CACNA2D3: variants seen among roughly 807,000 people sequenced by gnomAD.
CACNA2D3 encodes voltage-dependent calcium channel subunit alpha-2/delta-3.
A neutral mutation model predicts 160.6 loss-of-function variants in CACNA2D3; 60 were observed. That is an observed-to-expected ratio of 0.37 (90% CI 0.30 to 0.46). CACNA2D3 has a LOEUF of 0.46. Among genes scored for constraint, CACNA2D3 ranks in the 20% least tolerant of loss-of-function variants. The pLI is 1.00. For synonymous variants in CACNA2D3, 558 were observed against 492.9 expected, an observed-to-expected ratio of 1.13 and a Z score of -1.75; for missense variants, 1,205 against 1,365.0, an observed-to-expected ratio of 0.88 and a Z score of 1.85.
At chr3:54,544,177 A>G (rs903968233) in intron 5 of CACNA2D3, among the ~76,000 whole-genome samples, 1 of 152,236 alleles carries the variant, frequency 6.6e-6, no homozygotes, top group African/African-American at 2.4e-5. Context: ...TAATATCTCC[A>G]TATATAGATG....
At chr3:54,252,104 T>TTTTTTTTTTG (rs1702202478) in intron 2 of CACNA2D3, among the ~76,000 whole-genome samples, 1 of 147,008 alleles carries the variant, frequency 6.8e-6, no homozygotes, top group Admixed American at 6.8e-5. Flanking sequence ...GAGCTAGTTT[T>TTTTTTTTTTG]TTTTTTTTTT....
chr3:54,826,483 C>T (rs1475165683), intron 14 of CACNA2D3, among the ~76,000 whole-genome samples: 1 of 152,188 alleles, frequency 6.6e-6, no homozygotes, highest in Non-Finnish European at 1.5e-5. Flanking sequence ...AGACTAATGT[C>T]GTGGTATGGA....
At chr3:54,140,624 C>G (rs974288077) in intron 2 of CACNA2D3, among the ~76,000 whole-genome samples, 3 of 152,214 alleles carry the variant, frequency 2.0e-5, no homozygotes, top group Admixed American at 6.5e-5. Flanking sequence ...GTTCAGACAG[C>G]CCTGGGTTCA....
intron 27 of CACNA2D3, among the ~76,000 whole-genome samples, chr3:54,938,994 G>A (rs1701393828): frequency 6.6e-6 from 1 of 152,158 alleles, no homozygotes; most frequent in Admixed American, 6.5e-5. Context: ...GGTAGCACAC[G>A]TTAGACAGCA....
intron 2 of CACNA2D3, among the ~76,000 whole-genome samples, chr3:54,295,630 C>T (rs1473917444): frequency 6.6e-6 from 1 of 152,160 alleles, no homozygotes; most frequent in African/African-American, 2.4e-5. Context: ...TCACTGAATG[C>T]ACAATTTACA....
At chr3:54,818,967 G>A (rs1369010269) in intron 14 of CACNA2D3, among the ~76,000 whole-genome samples, 1 of 152,134 alleles carries the variant, frequency 6.6e-6, no homozygotes, top group South Asian at 2.1e-4. Flanking sequence ...GGAGTTGAGG[G>A]AGAGGTGCAC....
At chr3:54,688,386 C>G (rs1700508725) in intron 11 of CACNA2D3, among the ~76,000 whole-genome samples, 1 of 151,576 alleles carries the variant, frequency 6.6e-6, no homozygotes. Context: ...TTCTCTTTTT[C>G]CTGTGCCTTT....
chr3:54,322,933 T>C (rs1193259325), intron 3 of CACNA2D3, among the ~76,000 whole-genome samples: 1 of 152,188 alleles, frequency 6.6e-6, no homozygotes, highest in African/African-American at 2.4e-5. Context: ...TTCCTTGCAA[T>C]GTGTATTCTA....
chr3:54,778,639 G>T (rs2107125303), intron 13 of CACNA2D3, among the ~76,000 whole-genome samples: 2 of 152,308 alleles, frequency 1.3e-5, no homozygotes, highest in Middle Eastern at 3.4e-3. Context: ...TAAATTCCTT[G>T]AGGAGAGGGA....
chr3:54,268,691 A>G (rs1702563967), intron 2 of CACNA2D3, among the ~76,000 whole-genome samples: 1 of 152,122 alleles, frequency 6.6e-6, no homozygotes, highest in Non-Finnish European at 1.5e-5. Flanking sequence ...TTACAGGTGT[A>G]AGCCACCGTG....
At chr3:54,168,551 G>T (rs1461455019) in intron 2 of CACNA2D3, among the ~76,000 whole-genome samples, 1 of 152,098 alleles carries the variant, frequency 6.6e-6, no homozygotes, top group Non-Finnish European at 1.5e-5. Flanking sequence ...ACCTTAGGAG[G>T]CCTGGATTAA....
At chr3:54,924,350 T>A (rs1461317316) in intron 27 of CACNA2D3, among the ~76,000 whole-genome samples, 1 of 152,176 alleles carries the variant, frequency 6.6e-6, no homozygotes, top group Non-Finnish European at 1.5e-5. Flanking sequence ...AATAGCATAC[T>A]CCCAGATAAG....
At chr3:54,301,651 A>G (rs559135609) in intron 2 of CACNA2D3, among the ~76,000 whole-genome samples, 5 of 152,122 alleles carry the variant, frequency 3.3e-5, no homozygotes, top group Non-Finnish European at 5.9e-5. Context: ...ATAGTCCATG[A>G]TTTCCCGTAC....
At chr3:54,527,282 A>G (rs1355929508) in intron 5 of CACNA2D3, among the ~76,000 whole-genome samples, 1 of 152,190 alleles carries the variant, frequency 6.6e-6, no homozygotes, top group Non-Finnish European at 1.5e-5. Context: ...GCTTGAACTT[A>G]TCTACACTCA....
intron 2 of CACNA2D3, chr3:54,177,957 G>C (rs529667943): frequency 9.9e-5 from 15 of 152,172 alleles, no homozygotes; most frequent in African/African-American, 3.6e-4. Flanking sequence ...TATTTCCACG[G>C]ATCTGTCATC....
chr3:54,920,583 A>ATTAAGG (rs1485272682), intron 27 of CACNA2D3, among the ~76,000 whole-genome samples: 3 of 152,156 alleles, frequency 2.0e-5, no homozygotes, highest in Admixed American at 2.0e-4. Flanking sequence ...TGCCATTGAG[A>ATTAAGG]TTAAGGATTC....
intron 12 of CACNA2D3, among the ~76,000 whole-genome samples, chr3:54,761,917 G>C: frequency 6.6e-6 from 1 of 152,186 alleles, no homozygotes. Flanking sequence ...GACAACAGCA[G>C]GGCTGGTATT....
chr3:54,496,796 A>G, intron 4 of CACNA2D3, among the ~76,000 whole-genome samples: 1 of 152,146 alleles, frequency 6.6e-6, no homozygotes, highest in East Asian at 1.9e-4. Flanking sequence ...ATCCATCTCA[A>G]ATTCATATGT....
intron 2 of CACNA2D3, among the ~76,000 whole-genome samples, chr3:54,142,854 A>G (rs575788795): frequency 1.5e-3 from 227 of 152,328 alleles, no homozygotes; most frequent in African/African-American, 5.1e-3. Context: ...CTATGTCTGT[A>G]ACCACTATAC....
Sources: gnomAD v4.1 joint callset for allele counts (sites outside exome capture counted in the v4.1 genomes callset) on GRCh38, gnomAD v4.1.1 for gene constraint, MANE v1.5 for transcripts, NCBI Gene and HGNC (gene_info 2026-07-23, HGNC 2026-07-21) for gene names.